PGCKA1: variants seen among roughly 807,000 people sequenced by gnomAD.
The protein encoded by PGCKA1 is PDCD10 and GCKIII kinases-associated protein 1.
At chr4:37,590,726 TG>T in the PGCKA1 span, 3 of 1,613,998 alleles carry the variant, frequency 1.9e-6, no homozygotes, top group Non-Finnish European at 2.5e-6. Flanking sequence ...CAGCCCCCAG[TG>T]GGGGAGCATG....
At chr4:37,572,879 AT>A in the PGCKA1 span, among the ~76,000 whole-genome samples, 21 of 152,122 alleles carry the variant, frequency 1.4e-4, no homozygotes, top group Admixed American at 3.9e-4. Flanking sequence ...AAATGGGAGC[AT>A]TTTGGATTTT....
chr4:37,538,066 G>A, the PGCKA1 span, among the ~76,000 whole-genome samples: 1 of 117,102 alleles, frequency 8.5e-6, no homozygotes, highest in Non-Finnish European at 1.6e-5. Context: ...CCACAACCCT[G>A]TCACACACAC....
At chr4:37,556,381 C>G in the PGCKA1 span, among the ~76,000 whole-genome samples, 1 of 152,060 alleles carries the variant, frequency 6.6e-6, no homozygotes, top group Admixed American at 6.6e-5. Flanking sequence ...GATTCTCCTG[C>G]CTCCGCCTCC....
chr4:37,562,923 G>C, the PGCKA1 span, among the ~76,000 whole-genome samples: 2 of 152,276 alleles, frequency 1.3e-5, no homozygotes, highest in Non-Finnish European at 2.9e-5. Flanking sequence ...TTAGCAATTA[G>C]CAGAGTGTCT....
chr4:37,581,830 T>G, the PGCKA1 span, among the ~76,000 whole-genome samples: 1 of 152,102 alleles, frequency 6.6e-6, no homozygotes, highest in Non-Finnish European at 1.5e-5. The surrounding 1 kb of genome is among the most constrained non-coding windows in gnomAD (Gnocchi z 4.4). Context: ...GAACCACAGT[T>G]CTTGTGGCCT....
At chr4:37,459,466 C>G in the PGCKA1 span, among the ~76,000 whole-genome samples, 1 of 152,166 alleles carries the variant, frequency 6.6e-6, no homozygotes, top group Non-Finnish European at 1.5e-5. Context: ...GTTATTTGCC[C>G]TTAGTCACAC....
the PGCKA1 span, among the ~76,000 whole-genome samples, chr4:37,555,506 T>C: frequency 6.6e-6 from 1 of 152,084 alleles, no homozygotes; most frequent in Admixed American, 6.6e-5. Context: ...TTTCCGAAAA[T>C]GGTTGTGGAG....
chr4:37,578,333 T>C, the PGCKA1 span, among the ~76,000 whole-genome samples: 1 of 152,246 alleles, frequency 6.6e-6, no homozygotes, highest in Non-Finnish European at 1.5e-5. Flanking sequence ...GGTTTTGTCT[T>C]GAAATCTATT....
At chr4:37,586,953 C>T in the PGCKA1 span, among the ~76,000 whole-genome samples, 2 of 152,094 alleles carry the variant, frequency 1.3e-5, no homozygotes, top group Non-Finnish European at 2.9e-5. Context: ...AGTTTATTCT[C>T]TCCCAGTTCT....
At chr4:37,471,067 G>A in the PGCKA1 span, among the ~76,000 whole-genome samples, 3 of 152,074 alleles carry the variant, frequency 2.0e-5, no homozygotes, top group Admixed American at 6.6e-5. Context: ...CCCACACCAC[G>A]TACCTGATGT....
chr4:37,589,028 A>G, the PGCKA1 span: 3 of 667,496 alleles, frequency 4.5e-6, no homozygotes, highest in South Asian at 2.1e-5. Flanking sequence ...CAACACATTA[A>G]GAGTTTGGAA....
the PGCKA1 span, among the ~76,000 whole-genome samples, chr4:37,465,069 G>A: frequency 6.6e-6 from 1 of 152,068 alleles, no homozygotes; most frequent in East Asian, 1.9e-4. Flanking sequence ...AAATAACAAA[G>A]GTGGCATTTA....
At chr4:37,544,649 T>C in the PGCKA1 span, among the ~76,000 whole-genome samples, 3 of 152,026 alleles carry the variant, frequency 2.0e-5, no homozygotes, top group African/African-American at 7.2e-5. Flanking sequence ...GAGCTGTTTT[T>C]TTTGTTCTCT....
At chr4:37,453,536 T>C in the PGCKA1 span, among the ~76,000 whole-genome samples, 1 of 152,286 alleles carries the variant, frequency 6.6e-6, no homozygotes, top group South Asian at 2.1e-4. Context: ...TGCCAAGTTC[T>C]CGGGGTTTGG....
the PGCKA1 span, among the ~76,000 whole-genome samples, chr4:37,474,336 C>T: frequency 1.5e-3 from 225 of 152,190 alleles, no homozygotes; most frequent in African/African-American, 5.3e-3. Context: ...CCCCTGACCT[C>T]GAACTTCCCA....
chr4:37,582,105 T>A, the PGCKA1 span, among the ~76,000 whole-genome samples: 1 of 152,094 alleles, frequency 6.6e-6, no homozygotes. Flanking sequence ...AACACACAGA[T>A]GCTCTCTCCA....
the PGCKA1 span, among the ~76,000 whole-genome samples, chr4:37,497,473 A>T: frequency 2.8e-4 from 43 of 152,010 alleles, no homozygotes; most frequent in African/African-American, 9.6e-4. Flanking sequence ...GCTGGATCAA[A>T]TAAACTAGTT....
the PGCKA1 span, chr4:37,460,540 T>C: frequency 6.6e-6 from 3 of 453,558 alleles, no homozygotes; most frequent in South Asian, 4.7e-5. Flanking sequence ...CTGACTGGTA[T>C]GCTGTGGAAT....
At chr4:37,543,749 G>A in the PGCKA1 span, among the ~76,000 whole-genome samples, 1 of 151,842 alleles carries the variant, frequency 6.6e-6, no homozygotes, top group Non-Finnish European at 1.5e-5. Flanking sequence ...CAGGAGAATG[G>A]CGTGAACCCA....
Sources: gnomAD v4.1 joint callset for allele counts (sites outside exome capture counted in the v4.1 genomes callset) on GRCh38, gnomAD v4.1.1 for gene constraint, Gnocchi (gnomAD v3.1) non-coding constraint, MANE v1.5 for transcripts, NCBI Gene and HGNC (gene_info 2026-07-23, HGNC 2026-07-21) for gene names.